RBFOX1: variants seen among roughly 807,000 people sequenced by gnomAD.
RBFOX1 encodes the protein RNA binding fox-1 homolog 1.
RBFOX1 carries 8 observed loss-of-function variants against 57.7 expected under a neutral mutation model. The ratio of observed to expected loss-of-function variants is 0.14; its 90% confidence interval spans 0.08 to 0.25. The LOEUF is 0.25. RBFOX1 is among the 10% of genes least tolerant of loss of function. The pLI is 1.00. For missense variants in RBFOX1, 611 were observed against 548.5 expected (o/e 1.11, Z -1.14); for synonymous variants, 326 against 222.4 (o/e 1.47, Z -4.15).
At chr16:7,188,477 C>T (rs927638149) in intron 4 of RBFOX1, among the ~76,000 whole-genome samples, 1 of 152,142 alleles carries the variant, frequency 6.6e-6, no homozygotes, top group African/African-American at 2.4e-5. Flanking sequence ...CTAATATGGA[C>T]CCTAACTGAA....
intron 2 of RBFOX1, among the ~76,000 whole-genome samples, chr16:5,506,163 G>GT (rs2043370513): frequency 6.6e-6 from 1 of 152,138 alleles, no homozygotes; most frequent in Admixed American, 6.5e-5. Context: ...TAATGTGCCT[G>GT]TCTTCACAGT....
Position 5,952,219 on chromosome 16 carries a change from C to T in RBFOX1, c.351+84884C>T, listed in dbSNP as rs151317221. 1.3e-3 allele frequency among the ~76,000 whole-genome samples: 204 copies of T among 151,486 alleles called. 3 individuals carry two copies. The East Asian group carries it at 0.038, about 28-fold the overall frequency. The stretch of plus-strand genomic sequence containing the variant: ...TGGCTGGAGTGCAGCAGTGTGACCT[C>T]GGCTCACTGCAACCTCCACCTCCCG... On this transcript the variant is annotated intron_variant, in intron 4 of 19. Coordinates refer to the RBFOX1 transcript ENST00000641259.
chr16:5,827,142 C>T (rs565174046), intron 3 of RBFOX1, among the ~76,000 whole-genome samples: 1 of 152,238 alleles, frequency 6.6e-6, no homozygotes, highest in African/African-American at 2.4e-5. Context: ...TGGCTCATGC[C>T]TGTAATCCCA....
At chr16:5,722,158 C>T (rs1288127073) in intron 3 of RBFOX1, among the ~76,000 whole-genome samples, 2 of 152,166 alleles carry the variant, frequency 1.3e-5, no homozygotes, top group East Asian at 1.9e-4. Context: ...TTACCAAGTC[C>T]TATAAAATGA....
intron 1 of RBFOX1, among the ~76,000 whole-genome samples, chr16:6,049,956 G>GTTTTT (rs3048284): frequency 2.2e-5 from 3 of 135,180 alleles, no homozygotes; most frequent in Non-Finnish European, 3.1e-5. Flanking sequence ...AGCTTAAAAC[G>GTTTTT]TTTTTTTTTT....
intron 1 of RBFOX1, among the ~76,000 whole-genome samples, chr16:5,408,107 A>G (rs1406167164): frequency 2.0e-5 from 3 of 152,178 alleles, no homozygotes; most frequent in Admixed American, 1.3e-4. Flanking sequence ...GATGTGACAC[A>G]CGTTCCTCCT....
intron 3 of RBFOX1, among the ~76,000 whole-genome samples, chr16:6,909,507 C>T (rs560479968): frequency 6.6e-6 from 1 of 152,184 alleles, no homozygotes; most frequent in Non-Finnish European, 1.5e-5. Context: ...CTGTCTATCA[C>T]ACTCTCTAAA....
intron 2 of RBFOX1, among the ~76,000 whole-genome samples, chr16:6,371,541 T>C (rs1209294500): frequency 1.3e-5 from 2 of 152,176 alleles, no homozygotes; most frequent in South Asian, 2.1e-4. Flanking sequence ...CGTAAGTTTT[T>C]TTTAATAACA....
intron 2 of RBFOX1, among the ~76,000 whole-genome samples, chr16:5,554,880 G>A (rs769601208): frequency 6.6e-6 from 1 of 152,166 alleles, no homozygotes; most frequent in Non-Finnish European, 1.5e-5. Context: ...ACGGGCAGTG[G>A]TACAACCTAC....
chr16:7,257,276 G>A (rs2094728395), intron 4 of RBFOX1, among the ~76,000 whole-genome samples: 1 of 152,114 alleles, frequency 6.6e-6, no homozygotes, highest in Admixed American at 6.5e-5. Context: ...GGAAGTGAGA[G>A]TATCATTTCT....
intron 2 of RBFOX1, among the ~76,000 whole-genome samples, chr16:6,487,821 C>G (rs2095540267): frequency 1.4e-5 from 2 of 144,848 alleles, no homozygotes; most frequent in Non-Finnish European, 3.0e-5. Flanking sequence ...GTCTGGAATT[C>G]TAGATTCATG....
intron 1 of RBFOX1, among the ~76,000 whole-genome samples, chr16:5,403,643 G>A (rs567455474): frequency 2.6e-5 from 4 of 152,096 alleles, no homozygotes; most frequent in South Asian, 2.1e-4. Context: ...ACGAGGTTTC[G>A]CCATGTTGGC....
At position 5,790,503 on chromosome 16, in the gene RBFOX1, A is replaced by G. The variant is rs533560573; in HGVS notation, c.319-76800A>G. 2.0e-3 allele frequency among the ~76,000 whole-genome samples: 274 copies of G among 138,834 alleles called. 1 individual carries two copies. The highest frequency in any genetic ancestry group is 3.4e-3 in the Non-Finnish European group (225 of 65,306). 91.1% of individuals were successfully genotyped at this position (138,834 alleles called of 152,430 possible). ...TGTTGATGAAGATGCAAGGAAAACA[A>G]TATGCTGAAAAAAAAAAAAGGACTC... On this transcript the variant is annotated intron_variant, in intron 3 of 19. Transcript: ENST00000641259.
intron 3 of RBFOX1, among the ~76,000 whole-genome samples, chr16:6,810,123 C>G (rs550697466): frequency 5.2e-4 from 79 of 151,646 alleles, no homozygotes; most frequent in African/African-American, 1.8e-3. Flanking sequence ...CAACATTTAC[C>G]AACAAATATG....
chr16:7,684,128 G>A (rs1300487583), intron 14 of RBFOX1, among the ~76,000 whole-genome samples: 1 of 152,026 alleles, frequency 6.6e-6, no homozygotes, highest in African/African-American at 2.4e-5. Context: ...TTTTCCAGAA[G>A]AACTGATTTC....
chr16:5,474,089 T>C (rs1275091678), intron 2 of RBFOX1, among the ~76,000 whole-genome samples: 2 of 152,106 alleles, frequency 1.3e-5, no homozygotes, highest in African/African-American at 4.8e-5. Flanking sequence ...TGGGCAAGTC[T>C]GGCTGAATTT....
chr16:6,182,585 C>G (rs528844353), intron 1 of RBFOX1, among the ~76,000 whole-genome samples: 1 of 151,952 alleles, frequency 6.6e-6, no homozygotes, highest in Non-Finnish European at 1.5e-5. Flanking sequence ...ATTTACTTAC[C>G]CCTTCCTCCT....
intron 3 of RBFOX1, among the ~76,000 whole-genome samples, chr16:6,692,131 G>A (rs544854769): frequency 2.6e-5 from 4 of 152,182 alleles, no homozygotes; most frequent in Non-Finnish European, 5.9e-5. Flanking sequence ...AATTAAGTAA[G>A]TTAGTGGTAA....
intron 3 of RBFOX1, among the ~76,000 whole-genome samples, chr16:6,941,049 C>T (rs893063460): frequency 3.3e-5 from 5 of 151,784 alleles, no homozygotes; most frequent in Non-Finnish European, 5.9e-5. Context: ...CGCCTATGTG[C>T]GTGTACGTAA....
Sources: gnomAD v4.1 joint callset for allele counts (sites outside exome capture counted in the v4.1 genomes callset) on GRCh38, gnomAD v4.1.1 for gene constraint, MANE v1.5 for transcripts, NCBI Gene and HGNC (gene_info 2026-07-23, HGNC 2026-07-21) for gene names.